Variants in RBFOX1 observed in about 807,000 individuals in gnomAD.
The protein encoded by RBFOX1 is RNA binding protein fox-1 homolog 1.
Under a neutral mutation model 57.7 loss-of-function variants are expected in RBFOX1, and 8 were observed. The ratio of observed to expected loss-of-function variants is 0.14; its 90% CI spans 0.08 to 0.25. The LOEUF (loss-of-function observed/expected upper bound fraction) is 0.25, where lower values mean the gene tolerates loss of function less well. Ranked by LOEUF, RBFOX1 falls within the 10% of genes least tolerant of loss-of-function variation. The probability of loss-of-function intolerance (pLI) is 1.00; values close to 1 mark genes in which losing one functional copy is unlikely to be tolerated. For synonymous variants in RBFOX1, 326 were observed against 222.4 expected (o/e 1.47, Z -4.15); for missense variants, 611 against 548.5 (o/e 1.11, Z -1.14).
chr16:6,279,775 A>G (rs1294170184), intron 1 of RBFOX1, among the ~76,000 whole-genome samples: 2 of 152,212 alleles, frequency 1.3e-5, no homozygotes, highest in African/African-American at 4.8e-5. Context: ...TAATAGGCTT[A>G]GACAAAACCT....
chr16:5,396,872 G>A (rs150912789), intron 1 of RBFOX1, among the ~76,000 whole-genome samples: 5 of 152,320 alleles, frequency 3.3e-5, no homozygotes, highest in African/African-American at 4.8e-5. Context: ...AATTGTTACC[G>A]TGATTTATAG....
In RBFOX1 at chr16:5,794,610, G is replaced by C. The variant is rs1452067345; in HGVS notation, c.319-72693G>C. Among the ~76,000 whole-genome samples, 4 of 152,266 alleles carry C rather than the reference G, an allele frequency of 2.6e-5. No homozygotes were observed. In the South Asian group the frequency reaches 8.3e-4, roughly 32 times the overall value. On this transcript the variant is annotated intron_variant, in intron 3 of 19. Coordinates refer to the RBFOX1 transcript ENST00000641259. ...CAGATGTTGTGTGTCAAGGCATGTGGTGAGCAAAATGAGTTTGCCTGTGGA... is the reference window on the plus strand; with the variant it reads ...CAGATGTTGTGTGTCAAGGCATGTGCTGAGCAAAATGAGTTTGCCTGTGGA...
intron 2 of RBFOX1, among the ~76,000 whole-genome samples, chr16:6,558,703 C>A (rs1182726747): frequency 1.3e-5 from 2 of 152,072 alleles, no homozygotes; most frequent in African/African-American, 4.8e-5. Context: ...CTTATTCATT[C>A]CCTCCGTCCG....
rs566030315 is a variant in RBFOX1 at position 6,889,611 on chromosome 16, A to C, written c.-15-162446A>C. On this transcript the variant is annotated intron_variant, in intron 3 of 15. Transcript: ENST00000550418. ...GAATTCCCGACTAGTTTGTGGAGGAAGGGAAGAGTGCCAATCCATATCCGT... is the reference window on the plus strand; with the variant it reads ...GAATTCCCGACTAGTTTGTGGAGGACGGGAAGAGTGCCAATCCATATCCGT... 4.0e-4 allele frequency among the ~76,000 whole-genome samples: 61 copies of C among 152,322 alleles called. 1 individual carries two copies. Among genetic ancestry groups the C allele is most frequent in the African/African-American group, 1.4e-3 (59 of 41,586 alleles).
At chr16:6,073,145 C>G (rs2095856728) in intron 1 of RBFOX1, among the ~76,000 whole-genome samples, 1 of 152,156 alleles carries the variant, frequency 6.6e-6, no homozygotes, top group Admixed American at 6.6e-5. Context: ...ACCCTAATAT[C>G]TAATGGGGGT....
chr16:7,654,239 C>A (rs1169120859), intron 12 of RBFOX1, among the ~76,000 whole-genome samples: 1 of 152,156 alleles, frequency 6.6e-6, no homozygotes, highest in Non-Finnish European at 1.5e-5. Flanking sequence ...ATGGTTACAG[C>A]CAAAGATGTA....
At chr16:6,001,063 G>A (rs536775657) in intron 4 of RBFOX1, among the ~76,000 whole-genome samples, 93 of 152,200 alleles carry the variant, frequency 6.1e-4, no homozygotes, top group African/African-American at 2.2e-3. Context: ...GTGGGTTGAT[G>A]GACAGATGGG....
intron 1 of RBFOX1, among the ~76,000 whole-genome samples, chr16:6,077,678 T>TTTTATTTTTACTTATTTATTTA (rs1176010391): frequency 6.7e-6 from 1 of 148,798 alleles, no homozygotes; most frequent in African/African-American, 2.5e-5. Flanking sequence ...CCTTGCCTTC[T>TTTTATTTTTACTTATTTATTTA]TTTATTTTTA....
At chr16:7,151,510 AC>A (rs2076102543) in intron 4 of RBFOX1, among the ~76,000 whole-genome samples, 1 of 152,150 alleles carries the variant, frequency 6.6e-6, no homozygotes, top group African/African-American at 2.4e-5. Context: ...TCACAGGGCT[AC>A]TTGTAGCCTC....
chr16:7,456,026 T>C (rs191720495), intron 4 of RBFOX1, among the ~76,000 whole-genome samples: 1 of 152,140 alleles, frequency 6.6e-6, no homozygotes, highest in Non-Finnish European at 1.5e-5. Context: ...TGCATGGTCA[T>C]GCAGGGCCCC....
chr16:5,968,392 G>A (rs2059894000), intron 4 of RBFOX1, among the ~76,000 whole-genome samples: 1 of 152,028 alleles, frequency 6.6e-6, no homozygotes, highest in African/African-American at 2.4e-5. Flanking sequence ...ACATTTTTAG[G>A]GGACGATCAA....
At chr16:7,143,385 A>C (rs1367160059) in intron 4 of RBFOX1, among the ~76,000 whole-genome samples, 1 of 152,088 alleles carries the variant, frequency 6.6e-6, no homozygotes, top group Non-Finnish European at 1.5e-5. Context: ...GACCCAAGAA[A>C]ATGTGAAATG....
At chr16:6,132,186 G>A (rs543486400) in intron 1 of RBFOX1, among the ~76,000 whole-genome samples, 18 of 152,326 alleles carry the variant, frequency 1.2e-4, no homozygotes, top group Admixed American at 2.0e-4. Context: ...GTGACTTTAA[G>A]ATTTCACGAT....
chr16:7,612,606 TA>T (rs935390651), intron 10 of RBFOX1, among the ~76,000 whole-genome samples: 2 of 151,294 alleles, frequency 1.3e-5, no homozygotes, highest in Admixed American at 6.6e-5. Flanking sequence ...TGTCTTCTAA[TA>T]AAAAAATATA....
chr16:6,628,051 G>A (rs1345533109), intron 2 of RBFOX1, among the ~76,000 whole-genome samples: 1 of 152,202 alleles, frequency 6.6e-6, no homozygotes, highest in South Asian at 2.1e-4. Flanking sequence ...GGGTCACTGA[G>A]CGTGAATGTC....
intron 1 of RBFOX1, among the ~76,000 whole-genome samples, chr16:5,428,690 C>T (rs953736644): frequency 6.6e-6 from 1 of 152,084 alleles, no homozygotes; most frequent in Non-Finnish European, 1.5e-5. Context: ...GGCCAGTGGA[C>T]ATCTGGGGGA....
chr16:5,315,381 A>G (rs1422077223), intron 1 of RBFOX1, among the ~76,000 whole-genome samples: 1 of 152,220 alleles, frequency 6.6e-6, no homozygotes, highest in African/African-American at 2.4e-5. Flanking sequence ...GGATGTGCTT[A>G]GAATTCATAT....
chr16:5,733,618 C>G (rs1042224244), intron 3 of RBFOX1, among the ~76,000 whole-genome samples: 3 of 152,128 alleles, frequency 2.0e-5, no homozygotes, highest in Non-Finnish European at 2.9e-5. Context: ...CCCAAGGTGC[C>G]TCATGATGTT....
intron 2 of RBFOX1, 115 bp downstream of exon 2, chr16:6,317,172 C>G: frequency 1.0e-6 from 1 of 960,200 alleles, no homozygotes; most frequent in South Asian, 1.6e-5. Flanking sequence ...ACTTTGCTGC[C>G]TGCCTATGTC....
Sources: gnomAD v4.1 joint callset for allele counts (sites outside exome capture counted in the v4.1 genomes callset) on GRCh38, gnomAD v4.1.1 for gene constraint, MANE v1.5 for transcripts, NCBI Gene and HGNC (gene_info 2026-07-23, HGNC 2026-07-21) for gene names.